CNBD1: variants seen among roughly 807,000 people sequenced by gnomAD.
CNBD1 encodes the protein cyclic nucleotide binding domain containing 1.
Under a neutral mutation model 54.4 loss-of-function variants are expected in CNBD1, and 71 were observed. The observed-to-expected ratio is 1.30, with a 90% confidence interval of 1.08 to 1.59. The LOEUF (loss-of-function observed/expected upper bound fraction) is 1.59, where lower values mean the gene tolerates loss of function less well. Among genes scored for constraint, CNBD1 ranks in the 40% most tolerant of loss-of-function variants. CNBD1 has a pLI of 0.00. For synonymous variants in CNBD1, 182 were observed against 170.7 expected (o/e 1.07, Z -0.51); for missense variants, 659 against 518.0 (o/e 1.27, Z -2.64).
At chr8:87,316,475 CAT>C (rs991259515) in intron 8 of CNBD1, among the ~76,000 whole-genome samples, 3 of 151,952 alleles carry the variant, frequency 2.0e-5, no homozygotes, top group African/African-American at 7.2e-5. Context: ...ATTGATGCAA[CAT>C]GTTTCAGGAC....
chr8:87,343,281 G>T lies in CNBD1; in HGVS notation c.1043-8404G>T, dbSNP rs576592651. 2.0e-5 allele frequency among the ~76,000 whole-genome samples: 3 copies of T among 152,160 alleles called. No individual in the cohort carries two copies. The East Asian group carries it at 5.8e-4, about 29-fold the overall frequency. The stretch of plus-strand genomic sequence containing the variant: ...CACATGTTTTACGGTCAGATTTCAT[G>T]TTGTTCAAACACACGTTTTACAAAC... On this transcript the variant is annotated intron_variant, in intron 8 of 10. Coordinates refer to ENST00000518476, the MANE Select transcript of CNBD1 (RefSeq NM_173538.3).
intron 4 of CNBD1, among the ~76,000 whole-genome samples, chr8:87,059,414 A>G (rs1810495528): frequency 6.6e-6 from 1 of 152,194 alleles, no homozygotes; most frequent in Non-Finnish European, 1.5e-5. Flanking sequence ...GTACAAATTT[A>G]CTGTATTAGT....
At chr8:87,294,588 C>A (rs1472521847) in intron 8 of CNBD1, among the ~76,000 whole-genome samples, 1 of 152,126 alleles carries the variant, frequency 6.6e-6, no homozygotes. Context: ...TATTTTCCTA[C>A]CCAGAGCCCA....
At chr8:87,062,488 G>A (rs1476908071) in intron 4 of CNBD1, among the ~76,000 whole-genome samples, 4 of 152,120 alleles carry the variant, frequency 2.6e-5, no homozygotes, top group Non-Finnish European at 5.9e-5. Context: ...CTGTAATCCC[G>A]GCACTTTGTG....
intron 4 of CNBD1, among the ~76,000 whole-genome samples, chr8:87,092,867 C>T (rs1307318627): frequency 6.6e-6 from 1 of 152,082 alleles, no homozygotes; most frequent in African/African-American, 2.4e-5. Flanking sequence ...CATTCAAAAT[C>T]TCCAAAACTT....
At chr8:86,981,155 TTGTG>T (rs34881466) in intron 4 of CNBD1, among the ~76,000 whole-genome samples, 3 of 152,064 alleles carry the variant, frequency 2.0e-5, no homozygotes, top group South Asian at 2.1e-4. Flanking sequence ...GCATTATTCT[TTGTG>T]TGTGTGTGTG....
At chr8:87,268,661 T>C (rs1034815748) in intron 6 of CNBD1, among the ~76,000 whole-genome samples, 2 of 152,116 alleles carry the variant, frequency 1.3e-5, no homozygotes, top group Non-Finnish European at 2.9e-5. Context: ...TTGTGATTTT[T>C]ATTTGCATTT....
chr8:86,873,251 G>A lies in CNBD1; in HGVS notation c.88+6668G>A, dbSNP rs541638266. Among the ~76,000 whole-genome samples, 12 of 151,704 alleles carry A rather than the reference G, an allele frequency of 7.9e-5. No individual in the cohort carries two copies. In the South Asian group the frequency reaches 8.3e-4, roughly 11 times the overall value. ...CAGGTAGCTGGGATTACAGGCATGCGCCACCACACCCGGCTAATTTTGTAT... is the reference window on the plus strand; with the variant it reads ...CAGGTAGCTGGGATTACAGGCATGCACCACCACACCCGGCTAATTTTGTAT... On this transcript the variant is annotated intron_variant, in intron 1 of 10. Transcript: ENST00000518476.
At chr8:87,122,596 C>A (rs764972078) in intron 4 of CNBD1, among the ~76,000 whole-genome samples, 8 of 151,482 alleles carry the variant, frequency 5.3e-5, no homozygotes, top group African/African-American at 1.9e-4. Context: ...GAGTCGTAGC[C>A]AAAAAAACTG....
chr8:87,059,432 C>T (rs1335884923), intron 4 of CNBD1, among the ~76,000 whole-genome samples: 4 of 152,176 alleles, frequency 2.6e-5, no homozygotes, highest in Non-Finnish European at 5.9e-5. Context: ...AGTTTCTTCT[C>T]ATGCTGTTAT....
chr8:87,195,122 A>G (rs1270094345), intron 4 of CNBD1, among the ~76,000 whole-genome samples: 1 of 151,310 alleles, frequency 6.6e-6, no homozygotes, highest in African/African-American at 2.4e-5. Context: ...TGACCTCATG[A>G]TCCACCCACC....
chr8:86,918,985 G>A (rs1210629235), intron 3 of CNBD1, among the ~76,000 whole-genome samples: 1 of 150,748 alleles, frequency 6.6e-6, no homozygotes, highest in Non-Finnish European at 1.5e-5. Context: ...GTAAGAACAT[G>A]TGGTATTTGA....
At chr8:86,982,263 A>G (rs1396288227) in intron 4 of CNBD1, among the ~76,000 whole-genome samples, 1 of 151,986 alleles carries the variant, frequency 6.6e-6, no homozygotes, top group Non-Finnish European at 1.5e-5. Flanking sequence ...TGAATTTTTT[A>G]TGTACTCTGG....
At chr8:87,005,411 A>G (rs567460613) in intron 4 of CNBD1, among the ~76,000 whole-genome samples, 1 of 152,100 alleles carries the variant, frequency 6.6e-6, no homozygotes, top group Non-Finnish European at 1.5e-5. Context: ...ATATTTTGTG[A>G]TAAGGAGAAG....
chr8:87,400,147 T>C (rs1807528453), intron 2 of CNBD1, among the ~76,000 whole-genome samples: 3 of 152,000 alleles, frequency 2.0e-5, no homozygotes, highest in African/African-American at 7.2e-5. Flanking sequence ...AGGATTCTCA[T>C]AGATTTTGTG....
intron 8 of CNBD1, among the ~76,000 whole-genome samples, chr8:87,304,851 C>T (rs1023605232): frequency 3.3e-5 from 5 of 151,948 alleles, no homozygotes; most frequent in African/African-American, 1.2e-4. Flanking sequence ...AGAACTGGAA[C>T]AAGAGAAGGA....
chr8:87,350,213 T>C (rs1181474746), intron 8 of CNBD1, among the ~76,000 whole-genome samples: 1 of 152,152 alleles, frequency 6.6e-6, no homozygotes, highest in African/African-American at 2.4e-5. Context: ...GCATACGTTA[T>C]ACTTTTACAT....
At chr8:87,133,504 A>G (rs866642488) in intron 4 of CNBD1, among the ~76,000 whole-genome samples, 11 of 152,196 alleles carry the variant, frequency 7.2e-5, no homozygotes, top group South Asian at 2.1e-4. Flanking sequence ...TAAGGTAGGT[A>G]TAATTATCCC....
intron 5 of CNBD1, among the ~76,000 whole-genome samples, chr8:87,231,626 A>AAG (rs200458422): frequency 0.056 from 8,521 of 151,748 alleles, 765 homozygotes; most frequent in African/African-American, 0.18. Context: ...TCATCTTGTG[A>AAG]ACAGATTTTT....
Sources: allele counts gnomAD v4.1 joint callset (sites outside exome capture counted in the v4.1 genomes callset), GRCh38; gene constraint gnomAD v4.1.1; transcripts MANE v1.5; gene names NCBI Gene and HGNC (gene_info 2026-07-23, HGNC 2026-07-21).